Variants in USP18 observed in about 807,000 individuals in gnomAD.
The protein encoded by USP18 is ubiquitin specific peptidase 18, also known as ubl carboxyl-terminal hydrolase 18.
USP18 carries 11 observed loss-of-function variants against 48.7 expected under a neutral mutation model. The ratio of observed to expected loss-of-function variants is 0.23; its 90% CI spans 0.14 to 0.37. The LOEUF (loss-of-function observed/expected upper bound fraction) is 0.37. Among genes scored for constraint, USP18 ranks in the 10% least tolerant of loss-of-function variants. USP18 has a pLI of 1.00. For synonymous variants in USP18, 114 were observed against 163.2 expected (o/e 0.70, Z 2.30); for missense variants, 285 against 436.4 (o/e 0.65, Z 3.09).
chr22:18,154,928 A>C (rs927826487), intron 1 of USP18, among the ~76,000 whole-genome samples: 4 of 151,966 alleles, frequency 2.6e-5, no homozygotes, highest in Admixed American at 2.6e-4. Context: ...CCCATAGGAG[A>C]TTAGGGAGAG....
In USP18 at chr22:18,169,949, C is replaced by G; in HGVS notation, c.723+10C>G. 2 of 1,578,662 alleles carry G rather than the reference C, an allele frequency of 1.3e-6. No homozygotes were observed. The highest frequency in any genetic ancestry group is 1.7e-6 in the Non-Finnish European group (2 of 1,160,612). On this transcript the variant is annotated intron_variant, in intron 7 of 10. Transcript: ENST00000215794. ...GACCCGTGGGAAACAGGTACTCATT[C>G]CCTAAATCAGACTCAGCTGTCCCTC... is the stretch of plus-strand genomic sequence containing the variant.
At chr22:18,171,582 T>A (rs890417779) in intron 8 of USP18, among the ~76,000 whole-genome samples, 4 of 151,926 alleles carry the variant, frequency 2.6e-5, no homozygotes, top group African/African-American at 7.3e-5. Flanking sequence ...CAGTGAGCTA[T>A]GATCTATCAT....
chr22:18,154,336 A>G (rs1929072628), intron 1 of USP18, among the ~76,000 whole-genome samples: 1 of 152,198 alleles, frequency 6.6e-6, no homozygotes, highest in South Asian at 2.1e-4. Flanking sequence ...GAAATATAAC[A>G]GTAATTAATT....
intron 8 of USP18, 144 bp from the exon 9 acceptor site, chr22:18,173,006 G>A (rs1929677031): frequency 6.8e-7 from 1 of 1,473,102 alleles, no homozygotes; most frequent in South Asian, 1.4e-5. Flanking sequence ...AGCCCCTCCT[G>A]GAGGGTGCCC....
At chr22:18,165,673 T>C (rs1287124628) in intron 4 of USP18, among the ~76,000 whole-genome samples, 1 of 152,004 alleles carries the variant, frequency 6.6e-6, no homozygotes, top group African/African-American at 2.4e-5. Flanking sequence ...AGCTGATCTT[T>C]CCTGAGACTT....
At chr22:18,161,978 G>A (rs1447890969) in intron 4 of USP18, 43 bp downstream of exon 4, 1 of 1,571,202 alleles carries the variant, frequency 6.4e-7, no homozygotes, top group Non-Finnish European at 8.6e-7. Context: ...TGATCCAAAG[G>A]GGATGGGAAG....
chr22:18,154,888 C>T (rs1485796398), intron 1 of USP18, among the ~76,000 whole-genome samples: 1 of 152,154 alleles, frequency 6.6e-6, no homozygotes, highest in African/African-American at 2.4e-5. Context: ...CATTGCCTGG[C>T]TTTGTTTGGG....
intron 10 of USP18, among the ~76,000 whole-genome samples, chr22:18,174,927 G>A (rs1448423263): frequency 6.7e-6 from 1 of 150,108 alleles, no homozygotes; most frequent in Non-Finnish European, 1.5e-5. Flanking sequence ...TTGTTTGTTT[G>A]TTTTGAGATG....
rs117036105 is a variant in USP18, at chr22:18,173,552, G to A, written c.1024-241G>A. ...CTGCTTTGTGGGAAATGTCTAGAGA[G>A]CAACGAGTGTTAGAAATATGTAAGT... is the stretch of plus-strand genomic sequence containing the variant. On this transcript the variant is annotated intron_variant, in intron 9 of 10. Transcript: ENST00000215794. Among the ~76,000 whole-genome samples the A allele has an allele frequency of 7.2e-4, 109 of 152,312 alleles. 1 individual carries two copies. The East Asian group carries it at 9.1e-3, about 13-fold the overall frequency.
intron 1 of USP18, among the ~76,000 whole-genome samples, chr22:18,157,041 C>A (rs1278131678): frequency 1.3e-5 from 2 of 152,194 alleles, no homozygotes; most frequent in East Asian, 3.9e-4. Context: ...TGAGACCAGC[C>A]CAGCACCAGG....
At chr22:18,173,926 G>A in intron 10 of USP18, 84 bp downstream of exon 10, 1 of 1,500,540 alleles carries the variant, frequency 6.7e-7, no homozygotes, top group South Asian at 1.2e-5. Context: ...GGATTCCCCT[G>A]TTACTAACAT....
intron 1 of USP18, among the ~76,000 whole-genome samples, chr22:18,155,905 C>T (rs1306011340): frequency 6.6e-6 from 1 of 152,272 alleles, no homozygotes. Flanking sequence ...GCAGCTCCAC[C>T]TGCGGCCCAG....
rs1602524870 is a variant in USP18 at position 18,161,686 on chromosome 22, G to T, written c.255-104G>T. ...GAATTCTGGTTTAATTTGTATGGGAGTGGCCTGGATATGAAGATTTAAAAT... is the reference window on the plus strand; with the variant it reads ...GAATTCTGGTTTAATTTGTATGGGATTGGCCTGGATATGAAGATTTAAAAT... On this transcript the variant is annotated intron_variant, in intron 3 of 10. Transcript: ENST00000215794. The T allele has an allele frequency of 5.0e-6, 6 of 1,191,518 alleles. No individual in the cohort carries two copies. In the East Asian group the frequency reaches 1.4e-4, roughly 28 times the overall value. The allele number at this position is 1,191,518 out of a possible 1,614,324, so 73.8% of individuals were successfully genotyped here.
intron 9 of USP18, 64 bp from the exon 10 acceptor site, chr22:18,173,729 A>T (rs2543699): frequency 6.2e-7 from 1 of 1,600,276 alleles, no homozygotes; most frequent in Non-Finnish European, 8.5e-7. Flanking sequence ...ACATTATAGC[A>T]TCCTGTCCTC....
chr22:18,152,383 G>A (rs1205646702), intron 1 of USP18, among the ~76,000 whole-genome samples: 1 of 151,548 alleles, frequency 6.6e-6, no homozygotes, highest in African/African-American at 2.4e-5. Flanking sequence ...GTGGGCCTGG[G>A]CCAGTTCCTT....
chr22:18,167,249 G>T lies in USP18; in HGVS notation c.401-6G>T. 1 of 1,613,376 alleles carries T rather than the reference G, an allele frequency of 6.2e-7. No individual in the cohort carries two copies. The highest frequency in any genetic ancestry group is 1.1e-5 in the South Asian group (1 of 91,040). ...CTAATTGGCTGTTCCTTTTCTCTGT[G>T]GCCAGTGTTTGTCCAACATGATGCT... is the stretch of plus-strand genomic sequence containing the variant. On this transcript the variant is annotated splice_polypyrimidine_tract_variant and splice_region_variant and intron_variant, in intron 4 of 10. Coordinates refer to ENST00000215794, the MANE Select transcript of USP18 (RefSeq NM_017414.4).
intron 4 of USP18, among the ~76,000 whole-genome samples, chr22:18,163,026 A>C (rs527457216): frequency 1.3e-5 from 2 of 151,166 alleles, no homozygotes; most frequent in Admixed American, 6.6e-5. Context: ...CTAGTTTGCT[A>C]ATCCTTTCTT....
Position 18,169,855 on chromosome 22 carries a change from G to A in USP18, c.639G>A (p.Leu213=), listed in dbSNP as rs1929579906. ...SKPLKTLEDA[L]HCFFQPRELS... Reference sequence around the variant, plus strand: ...CTTGGGTGGGACAGGAGGACGCCCTGCACTGCTTCTTCCAGCCCAGGGAGT... The same window carrying A: ...CTTGGGTGGGACAGGAGGACGCCCTACACTGCTTCTTCCAGCCCAGGGAGT... Residue 213 remains leucine, a synonymous_variant, in exon 7 of 11, where the codon CTG becomes CTA. Coordinates refer to ENST00000215794, the MANE Select transcript of USP18 (RefSeq NM_017414.4). The A allele has an allele frequency of 6.3e-7, 1 of 1,597,638 alleles. No individual in the cohort carries two copies. The highest frequency in any genetic ancestry group is 8.5e-7 in the Non-Finnish European group (1 of 1,171,200).
At chr22:18,173,413 T>C in intron 9 of USP18, 132 bp downstream of exon 9, 2 of 1,279,578 alleles carry the variant, frequency 1.6e-6, no homozygotes, top group South Asian at 3.1e-5. Context: ...GGGCCTTTGA[T>C]GAGGGTTCAA....
Sources: allele counts gnomAD v4.1 joint callset (sites outside exome capture counted in the v4.1 genomes callset), GRCh38; gene constraint gnomAD v4.1.1; transcripts MANE v1.5; gene names NCBI Gene and HGNC (gene_info 2026-07-23, HGNC 2026-07-21).